The following R3HCC1L variants were observed in gnomAD, a reference collection of about 807,000 sequenced individuals.
R3HCC1L encodes coiled-coil domain-containing protein R3HCC1L.
In R3HCC1L, 51 loss-of-function variants were observed where a neutral mutation model predicts 59.9. The observed-to-expected ratio is 0.85, with a 90% confidence interval of 0.68 to 1.07. R3HCC1L has a LOEUF of 1.07. Ranked by LOEUF, R3HCC1L falls within the 50% of genes least tolerant of loss-of-function variation. R3HCC1L has a pLI of 0.00. For missense variants in R3HCC1L, 965 were observed against 933.0 expected (o/e 1.03, Z -0.45); for synonymous variants, 322 against 315.2 (o/e 1.02, Z -0.23).
At chr10:98,230,552 A>G (rs899749292) in intron 5 of R3HCC1L, among the ~76,000 whole-genome samples, 4 of 151,944 alleles carry the variant, frequency 2.6e-5, no homozygotes, top group African/African-American at 9.7e-5. Flanking sequence ...ATTTTTTTGA[A>G]GGGTTTTTTG....
chr10:98,221,697 A>G lies in R3HCC1L; in HGVS notation c.1786-9815A>G, dbSNP rs374874346. ...AAAGATCAGATAGTTGTAGATATGC[A>G]GCGTTATTTCTGAGGGCTCTGTTCT... is the stretch of plus-strand genomic sequence containing the variant. On this transcript the variant is annotated intron_variant, in intron 5 of 9. Transcript: ENST00000298999. Among the ~76,000 whole-genome samples, 649 of 151,902 alleles carry G rather than the reference A, an allele frequency of 4.3e-3. 8 individuals are homozygous for G. The highest frequency in any genetic ancestry group is 0.015 in the African/African-American group (619 of 41,382).
intron 1 of R3HCC1L, among the ~76,000 whole-genome samples, chr10:98,140,373 C>T (rs766278261): frequency 2.6e-5 from 4 of 151,976 alleles, no homozygotes; most frequent in African/African-American, 7.3e-5. Flanking sequence ...GGGGGAGAGA[C>T]GGAAAGGCAG....
chr10:98,198,699 A>G (rs1441265363), intron 4 of R3HCC1L, among the ~76,000 whole-genome samples: 1 of 152,128 alleles, frequency 6.6e-6, no homozygotes, highest in Non-Finnish European at 1.5e-5. Context: ...ATTATGAACT[A>G]AAGTGTTTGT....
At chr10:98,221,769 T>C (rs572992379) in intron 5 of R3HCC1L, among the ~76,000 whole-genome samples, 11 of 152,362 alleles carry the variant, frequency 7.2e-5, no homozygotes, top group Admixed American at 5.9e-4. Context: ...CCATGCTGTT[T>C]TGGTTACTGT....
At chr10:98,142,737 C>A (rs1845275658) in intron 1 of R3HCC1L, among the ~76,000 whole-genome samples, 1 of 151,972 alleles carries the variant, frequency 6.6e-6, no homozygotes, top group Non-Finnish European at 1.5e-5. Context: ...GAATTTGAGA[C>A]TAGCCTGGCC....
intron 2 of R3HCC1L, among the ~76,000 whole-genome samples, chr10:98,158,333 A>G (rs994260456): frequency 1.3e-4 from 20 of 152,340 alleles, no homozygotes; most frequent in African/African-American, 4.6e-4. Flanking sequence ...ATTCTCATTA[A>G]TAATATCTAA....
intron 4 of R3HCC1L, among the ~76,000 whole-genome samples, chr10:98,178,861 G>C (rs959932311): frequency 6.6e-6 from 1 of 152,122 alleles, no homozygotes; most frequent in African/African-American, 2.4e-5. Flanking sequence ...TTGGCTCTCT[G>C]TTTGTCTGTT....
Position 98,152,533 on chromosome 10 carries a change from C to A in R3HCC1L, c.-267-3560C>A. ...GAGCGTCTCTGCCCGGCCGCCCAGTCTGGGAAGTGAGGAGCGCCTCTTCCC... is the reference window on the plus strand; with the variant it reads ...GAGCGTCTCTGCCCGGCCGCCCAGTATGGGAAGTGAGGAGCGCCTCTTCCC... On this transcript the variant is annotated intron_variant, in intron 1 of 9. Coordinates refer to ENST00000298999, the MANE Select transcript of R3HCC1L (RefSeq NM_001351015.2). 1.5e-5 allele frequency among the ~76,000 whole-genome samples: 2 copies of A among 130,378 alleles called. 1 individual carries two copies. The allele number at this position is 130,378 out of a possible 152,430, so 85.5% of individuals were successfully genotyped here.
Position 98,244,329 on chromosome 10 carries a change from C to T in R3HCC1L, c.*171C>T, listed in dbSNP as rs1857879105. On this transcript the variant is annotated 3_prime_UTR_variant, in exon 10 of 10. Coordinates refer to ENST00000298999, the MANE Select transcript of R3HCC1L (RefSeq NM_001351015.2). ...GAAGGAAGACAGACTCCTGTCTTCA[C>T]TCCTAAATGCAGTTCTTTGGAATCA... 9 of 573,206 alleles carry T rather than the reference C, an allele frequency of 1.6e-5. No individual in the cohort carries two copies. Among genetic ancestry groups the T allele is most frequent in the South Asian group, 1.5e-4 (7 of 46,932 alleles). The allele number at this position is 573,206 out of a possible 1,614,324, so 35.5% of individuals were successfully genotyped here.
intron 5 of R3HCC1L, among the ~76,000 whole-genome samples, chr10:98,225,447 C>T (rs1021040371): frequency 2.0e-5 from 3 of 152,114 alleles, no homozygotes; most frequent in African/African-American, 4.8e-5. Flanking sequence ...AAAGAAAGTT[C>T]CATTAACAGT....
chr10:98,236,421 A>G (rs2135708358), intron 9 of R3HCC1L, among the ~76,000 whole-genome samples: 1 of 152,300 alleles, frequency 6.6e-6, no homozygotes, highest in South Asian at 2.1e-4. Flanking sequence ...TTCTCAGCTC[A>G]TCCATGGCTT....
rs7087689 is a variant in R3HCC1L, at chr10:98,160,756, G to A, written c.-212-2127G>A. On this transcript the variant is annotated intron_variant, in intron 2 of 9. Transcript: ENST00000298999. Reference sequence around the variant, plus strand: ...AACTCTACAAAAATGTTTATACTCAGGGCACTGTCACCCATTCCTTCTGTC... The same window carrying A: ...AACTCTACAAAAATGTTTATACTCAAGGCACTGTCACCCATTCCTTCTGTC... Among the ~76,000 whole-genome samples, 1,007 of 152,156 alleles carry A rather than the reference G, an allele frequency of 6.6e-3. 16 individuals are homozygous for A. Among genetic ancestry groups the A allele is most frequent in the African/African-American group, 0.022 (928 of 41,526 alleles).
In R3HCC1L at chr10:98,236,135, C is replaced by T. The variant is rs1564740953; in HGVS notation, c.2240C>T (p.Ala747Val). ...AAGCAGAGCAAAACCGAACGAGAAGCAGAGCTCAAGAAACTGCAAGAAGCC... is the reference window on the plus strand; with the variant it reads ...AAGCAGAGCAAAACCGAACGAGAAGTAGAGCTCAAGAAACTGCAAGAAGCC... ...RSKQSKTERE[A>V]ELKKLQEARE... Residue 747 changes from alanine to valine, a missense_variant, in exon 9 of 10, where the codon GCA (alanine) becomes GTA (valine). Ala to Val is a moderately conservative substitution (Grantham distance 64). Coordinates refer to ENST00000298999, the MANE Select transcript of R3HCC1L (RefSeq NM_001351015.2). 6.2e-7 allele frequency: 1 copy of T among 1,613,854 alleles called. No homozygotes were observed. The highest frequency in any genetic ancestry group is 2.2e-5 in the East Asian group (1 of 44,868).
intron 6 of R3HCC1L, among the ~76,000 whole-genome samples, chr10:98,233,038 C>T (rs1009264437): frequency 4.6e-5 from 7 of 151,952 alleles, no homozygotes; most frequent in Non-Finnish European, 7.4e-5. Context: ...GTCAGTCTTA[C>T]TTACTAGAAT....
At chr10:98,181,877 C>G (rs1456927876) in intron 4 of R3HCC1L, among the ~76,000 whole-genome samples, 8 of 152,142 alleles carry the variant, frequency 5.3e-5, no homozygotes, top group African/African-American at 1.9e-4. Context: ...CATTTAAGGT[C>G]TTCTCTATAC....
intron 5 of R3HCC1L, among the ~76,000 whole-genome samples, chr10:98,221,252 T>G (rs571878281): frequency 6.6e-6 from 1 of 151,982 alleles, no homozygotes; most frequent in Non-Finnish European, 1.5e-5. Flanking sequence ...TAAATTTGTT[T>G]GAGTTCATTG....
intron 4 of R3HCC1L, among the ~76,000 whole-genome samples, chr10:98,192,379 A>C (rs1448683940): frequency 6.6e-6 from 1 of 152,150 alleles, no homozygotes; most frequent in Non-Finnish European, 1.5e-5. Context: ...TGAAAAGATC[A>C]TAAGATCAAT....
In R3HCC1L at chr10:98,152,924, TCGCCC is replaced by T. The variant is rs1435851601; in HGVS notation, c.-267-3168_-267-3164del. On this transcript the variant is annotated intron_variant, in intron 1 of 9. Coordinates refer to ENST00000298999, the MANE Select transcript of R3HCC1L (RefSeq NM_001351015.2). ...GGGGGGTCAGCCCCTGCCCGGCCAG[TCGCCC>T]TGTCCGGGAGAGAGGTGGGGGGTCA... is the stretch of plus-strand genomic sequence containing the variant. 1.4e-4 allele frequency among the ~76,000 whole-genome samples: 20 copies of T among 147,800 alleles called. No individual in the cohort carries two copies. The South Asian group carries it at 2.4e-3, about 17-fold the overall frequency.
chr10:98,179,486 C>T (rs189354006), intron 4 of R3HCC1L, among the ~76,000 whole-genome samples: 111 of 151,944 alleles, frequency 7.3e-4, no homozygotes, highest in African/African-American at 2.2e-3. Context: ...TTAGGATTTT[C>T]GAATCAGTGT....
Sources: allele counts gnomAD v4.1 joint callset (sites outside exome capture counted in the v4.1 genomes callset), GRCh38; gene constraint gnomAD v4.1.1; transcripts MANE v1.5; gene names NCBI Gene and HGNC (gene_info 2026-07-23, HGNC 2026-07-21).